The following KATNBL1 variants were observed in gnomAD, a reference collection of about 807,000 sequenced individuals.
KATNBL1 encodes KATNB1-like protein 1.
A neutral mutation model predicts 44.7 loss-of-function variants in KATNBL1; 28 were observed. The ratio of observed to expected loss-of-function variants is 0.63; its 90% CI spans 0.46 to 0.86. KATNBL1 has a LOEUF of 0.86. Ranked by LOEUF, KATNBL1 falls within the 40% of genes least tolerant of loss-of-function variation. The pLI is 0.00. For synonymous variants in KATNBL1, 78 were observed against 114.9 expected (o/e 0.68, Z 2.06); for missense variants, 272 against 350.7 (o/e 0.78, Z 1.79).
chr15:34,142,678 T>C lies in KATNBL1; in HGVS notation c.883-307A>G, dbSNP rs73376160. The C allele has an allele frequency of 2.1e-3, 635 of 304,752 alleles. 4 individuals are homozygous for C. The highest frequency in any genetic ancestry group is 0.013 in the African/African-American group (603 of 44,856). 18.9% of individuals were successfully genotyped at this position (304,752 alleles called of 1,614,324 possible). A position where few individuals can be genotyped will look rare whatever the true frequency, so the allele number is the denominator to read the frequency against. On this transcript the variant is annotated intron_variant, in intron 9 of 9. Coordinates refer to ENST00000256544, the MANE Select transcript of KATNBL1 (RefSeq NM_024713.3). ...GTGCTGTTTACTATCAGTGCTATAT[T>C]CACTTGAGCCCAGCTTGACAATAGC... is the stretch of plus-strand genomic sequence containing the variant.
intron 1 of KATNBL1, among the ~76,000 whole-genome samples, chr15:34,202,528 C>A (rs1042208527): frequency 1.3e-5 from 2 of 152,154 alleles, no homozygotes; most frequent in African/African-American, 2.4e-5. Context: ...TTGGGCACCA[C>A]CATATCTCCT....
rs557306167 is a variant in KATNBL1, at chr15:34,182,617, C to G, written c.-14-18927G>C. On this transcript the variant is annotated intron_variant, in intron 1 of 9. Transcript: ENST00000256544. ...CCCACCTGAGGTAAATGTTTACCATCCTAGACTGGTTTATTCATGATTTTT... is the reference window on the plus strand; with the variant it reads ...CCCACCTGAGGTAAATGTTTACCATGCTAGACTGGTTTATTCATGATTTTT... 3.9e-3 allele frequency among the ~76,000 whole-genome samples: 599 copies of G among 152,154 alleles called. 6 individuals are homozygous for G. The highest frequency in any genetic ancestry group is 0.014 in the African/African-American group (580 of 41,498).
chr15:34,148,489 G>A, intron 5 of KATNBL1, 143 bp downstream of exon 5: 1 of 553,594 alleles, frequency 1.8e-6, no homozygotes, highest in Non-Finnish European at 3.3e-6. Context: ...TCAGGAGGCT[G>A]AGGTGGGAGG....
intron 9 of KATNBL1, chr15:34,145,001 A>G: frequency 1.2e-6 from 1 of 825,990 alleles, no homozygotes; most frequent in Non-Finnish European, 1.5e-6. Context: ...CTCAAAAAGC[A>G]TAACATTAGC....
At position 34,183,507 on chromosome 15, in the gene KATNBL1, A is replaced by T. The variant is rs73380111; in HGVS notation, c.-14-19817T>A. Among the ~76,000 whole-genome samples the T allele has an allele frequency of 5.8e-3, 885 of 152,300 alleles. 10 individuals are homozygous for T. Among genetic ancestry groups the T allele is most frequent in the African/African-American group, 0.021 (858 of 41,564 alleles). On this transcript the variant is annotated intron_variant, in intron 1 of 9. Coordinates refer to ENST00000256544, the MANE Select transcript of KATNBL1 (RefSeq NM_024713.3). Reference sequence around the variant, plus strand: ...TTCAAATTCCCAGCTTTCCCACTTAACTAGCTCTATAACCTTGGAAACAGC... The same window carrying T: ...TTCAAATTCCCAGCTTTCCCACTTATCTAGCTCTATAACCTTGGAAACAGC...
chr15:34,164,210 T>C (rs938273182), intron 1 of KATNBL1, among the ~76,000 whole-genome samples: 3 of 152,214 alleles, frequency 2.0e-5, no homozygotes, highest in African/African-American at 4.8e-5. Flanking sequence ...CATTCTTTAA[T>C]TGGAACCAGT....
At chr15:34,145,111 T>G in intron 9 of KATNBL1, 1 of 1,121,300 alleles carries the variant, frequency 8.9e-7, no homozygotes, top group Non-Finnish European at 1.1e-6. Flanking sequence ...TATTGGATTC[T>G]CAAAATTTTT....
At chr15:34,147,326 C>A (rs1248789878) in intron 6 of KATNBL1, 37 bp from the exon 7 acceptor site, 1 of 1,590,792 alleles carries the variant, frequency 6.3e-7, no homozygotes, top group Admixed American at 1.7e-5. Flanking sequence ...TATGGATGGG[C>A]CATAATTTGA....
At chr15:34,168,819 C>T (rs2140940877) in intron 1 of KATNBL1, among the ~76,000 whole-genome samples, 1 of 152,288 alleles carries the variant, frequency 6.6e-6, no homozygotes, top group Non-Finnish European at 1.5e-5. Flanking sequence ...GGAAACTGAA[C>T]AACCTGCTCC....
chr15:34,145,662 A>AG (rs112588554), intron 8 of KATNBL1, 171 bp from the exon 9 acceptor site: 22 of 566,944 alleles, frequency 3.9e-5, no homozygotes, highest in Middle Eastern at 3.6e-4. Flanking sequence ...TTAAAAAAAA[A>AG]TCAAATAACT....
chr15:34,178,788 G>A (rs1039439250), intron 1 of KATNBL1, among the ~76,000 whole-genome samples: 1 of 149,486 alleles, frequency 6.7e-6, no homozygotes, highest in African/African-American at 2.5e-5. Context: ...GGATTTCACT[G>A]AAGGAGAGAA....
At chr15:34,195,926 A>G (rs1469881973) in intron 1 of KATNBL1, among the ~76,000 whole-genome samples, 1 of 152,158 alleles carries the variant, frequency 6.6e-6, no homozygotes, top group Non-Finnish European at 1.5e-5. Flanking sequence ...TTGATTTATA[A>G]ATCTTTACCT....
intron 1 of KATNBL1, among the ~76,000 whole-genome samples, chr15:34,202,253 G>A (rs1008051913): frequency 6.6e-6 from 1 of 152,132 alleles, no homozygotes; most frequent in African/African-American, 2.4e-5. Flanking sequence ...TCAAAATGAT[G>A]AGCTAATATA....
chr15:34,209,922 G>C (rs1383846574), intron 1 of KATNBL1, 29 bp downstream of exon 1: 4 of 151,818 alleles, frequency 2.6e-5, no homozygotes, highest in African/African-American at 9.7e-5. Context: ...TGCGGGCGCG[G>C]GGCTCGCACC....
chr15:34,195,742 T>G (rs919280884), intron 1 of KATNBL1, among the ~76,000 whole-genome samples: 2 of 151,338 alleles, frequency 1.3e-5, no homozygotes, highest in Middle Eastern at 3.2e-3. Flanking sequence ...ACAAATAATT[T>G]TTTTAATTGT....
At chr15:34,169,342 G>T (rs1051280022) in intron 1 of KATNBL1, among the ~76,000 whole-genome samples, 2 of 152,166 alleles carry the variant, frequency 1.3e-5, no homozygotes, top group African/African-American at 4.8e-5. Flanking sequence ...AAATCTAGAA[G>T]AAATGGATAA....
chr15:34,194,027 C>T lies in KATNBL1; in HGVS notation c.-15+15924G>A, dbSNP rs58889101. ...CACGATCTCGGCTCACCACAACGTC[C>T]GCCTCCTGGCTTCAAGCGATTCTTC... On this transcript the variant is annotated intron_variant, in intron 1 of 9. Coordinates refer to ENST00000256544, the MANE Select transcript of KATNBL1 (RefSeq NM_024713.3). Among the ~76,000 whole-genome samples, 819 of 152,162 alleles carry T rather than the reference C, an allele frequency of 5.4e-3. 10 individuals are homozygous for T. Among genetic ancestry groups the T allele is most frequent in the African/African-American group, 0.019 (773 of 41,504 alleles).
chr15:34,181,946 G>A (rs961558945), intron 1 of KATNBL1, among the ~76,000 whole-genome samples: 25 of 148,678 alleles, frequency 1.7e-4, no homozygotes, highest in African/African-American at 5.7e-4. Context: ...AGTGTTAACA[G>A]TATCATTAAA....
chr15:34,180,785 G>C (rs1463387040), intron 1 of KATNBL1, among the ~76,000 whole-genome samples: 1 of 151,980 alleles, frequency 6.6e-6, no homozygotes, highest in Non-Finnish European at 1.5e-5. Context: ...CTTTCAGGCA[G>C]GGCACAGTGG....
Sources: allele counts gnomAD v4.1 joint callset (sites outside exome capture counted in the v4.1 genomes callset), GRCh38; gene constraint gnomAD v4.1.1; transcripts MANE v1.5; gene names NCBI Gene and HGNC (gene_info 2026-07-23, HGNC 2026-07-21).